The following NRG2 variants were observed in gnomAD, a reference collection of about 807,000 sequenced individuals.
NRG2 encodes the protein neuregulin 2.
Under a neutral mutation model 73.9 loss-of-function variants are expected in NRG2, and 27 were observed. The ratio of observed to expected loss-of-function variants is 0.37; its 90% CI spans 0.27 to 0.50. The LOEUF is 0.50. Ranked by LOEUF, NRG2 falls within the 20% of genes least tolerant of loss-of-function variation. The pLI, the probability that NRG2 is intolerant of heterozygous loss-of-function variation, is 0.96. For synonymous variants in NRG2, 532 were observed against 541.0 expected, an observed-to-expected ratio of 0.98 and a Z score of 0.23; for missense variants, 1,126 against 1,210.1, an observed-to-expected ratio of 0.93 and a Z score of 1.03.
chr5:139,968,650 C>G (rs541781818), intron 1 of NRG2, among the ~76,000 whole-genome samples: 1 of 152,192 alleles, frequency 6.6e-6, no homozygotes, highest in African/African-American at 2.4e-5. Context: ...GGGAGCTCTC[C>G]GTTCGGCGGC....
chr5:139,895,484 T>C (rs1215460858), intron 1 of NRG2, among the ~76,000 whole-genome samples: 1 of 152,144 alleles, frequency 6.6e-6, no homozygotes, highest in African/African-American at 2.4e-5. Context: ...TAGCAGTGCT[T>C]GTGGCACAGG....
intron 1 of NRG2, among the ~76,000 whole-genome samples, chr5:140,030,961 A>C (rs1761095296): frequency 6.6e-6 from 1 of 152,208 alleles, no homozygotes; most frequent in African/African-American, 2.4e-5. Context: ...AATGAGACCT[A>C]GAATTATGGA....
chr5:139,886,010 G>A (rs1487598661), intron 2 of NRG2, among the ~76,000 whole-genome samples: 2 of 152,094 alleles, frequency 1.3e-5, no homozygotes, highest in Non-Finnish European at 1.5e-5. Flanking sequence ...TCGGAAGGTG[G>A]GCTGGGTGGG....
At chr5:140,015,616 G>A (rs1364337476) in intron 1 of NRG2, among the ~76,000 whole-genome samples, 1 of 152,154 alleles carries the variant, frequency 6.6e-6, no homozygotes, top group Non-Finnish European at 1.5e-5. Context: ...TAAGTATCCT[G>A]TTTCCTGCAT....
At chr5:139,861,048 G>A (rs952083724) in intron 5 of NRG2, among the ~76,000 whole-genome samples, 3 of 152,176 alleles carry the variant, frequency 2.0e-5, no homozygotes, top group Non-Finnish European at 2.9e-5. Flanking sequence ...AGCCAGCATC[G>A]GTCTACAAGC....
intron 1 of NRG2, among the ~76,000 whole-genome samples, chr5:139,971,969 C>T (rs1756006170): frequency 6.6e-6 from 1 of 151,966 alleles, no homozygotes; most frequent in Admixed American, 6.6e-5. Flanking sequence ...ACGTGCACTG[C>T]CAGATACGAA....
intron 1 of NRG2, among the ~76,000 whole-genome samples, chr5:139,944,191 AG>A (rs1480745207): frequency 6.6e-6 from 1 of 152,204 alleles, no homozygotes; most frequent in African/African-American, 2.4e-5. Flanking sequence ...AACACATACA[AG>A]GTATGGTGAT....
At chr5:139,861,726 C>A (rs539633619) in intron 5 of NRG2, 7 of 516,702 alleles carry the variant, frequency 1.4e-5, no homozygotes, top group South Asian at 7.1e-5. Context: ...GCTGGTCAGG[C>A]GTGCTGAGTA....
At chr5:139,956,824 A>C (rs1754660560) in intron 1 of NRG2, among the ~76,000 whole-genome samples, 1 of 152,234 alleles carries the variant, frequency 6.6e-6, no homozygotes, top group Non-Finnish European at 1.5e-5. Flanking sequence ...GTCTGAGGCC[A>C]GGCCTCACCC....
intron 1 of NRG2, among the ~76,000 whole-genome samples, chr5:139,953,138 C>T (rs1754352547): frequency 6.6e-6 from 1 of 152,206 alleles, no homozygotes; most frequent in Admixed American, 6.5e-5. Context: ...GGAGTATGGA[C>T]TAGCACTTAA....
chr5:140,022,674 T>C (rs1433161833), intron 1 of NRG2, among the ~76,000 whole-genome samples: 1 of 152,196 alleles, frequency 6.6e-6, no homozygotes, highest in Admixed American at 6.5e-5. Context: ...AGTTTTCCCC[T>C]TTGTAATAAA....
intron 1 of NRG2, among the ~76,000 whole-genome samples, chr5:139,912,610 T>C (rs1750919125): frequency 6.6e-6 from 1 of 152,104 alleles, no homozygotes; most frequent in African/African-American, 2.4e-5. Context: ...ATTTAGAGCT[T>C]ATGAAAGTTC....
At position 139,916,115 on chromosome 5, in the gene NRG2, A is replaced by G. The variant is rs559992356; in HGVS notation, c.701-28604T>C. On this transcript the variant is annotated intron_variant, in intron 1 of 9. Coordinates refer to ENST00000361474, the MANE Select transcript of NRG2 (RefSeq NM_004883.3). ...GAGTCTGGAGGCAGCAAGATTGATC[A>G]GCAAAATGTTTAACAATGGGGTGTA... is the stretch of plus-strand genomic sequence containing the variant. 7.2e-5 allele frequency among the ~76,000 whole-genome samples: 11 copies of G among 152,330 alleles called. No individual in the cohort carries two copies. The South Asian group carries it at 1.0e-3, about 14-fold the overall frequency.
chr5:139,874,375 C>G (rs889161018), intron 3 of NRG2, among the ~76,000 whole-genome samples: 4 of 152,230 alleles, frequency 2.6e-5, no homozygotes, highest in Non-Finnish European at 5.9e-5. Context: ...CCCTACCCAC[C>G]TTCTTCCCCA....
intron 1 of NRG2, among the ~76,000 whole-genome samples, chr5:139,895,489 C>T (rs532278374): frequency 2.7e-4 from 41 of 152,300 alleles, no homozygotes; most frequent in African/African-American, 9.9e-4. Flanking sequence ...GTGCTTGTGG[C>T]ACAGGCTGTA....
At chr5:140,011,182 A>G (rs993236851) in intron 1 of NRG2, among the ~76,000 whole-genome samples, 3 of 152,256 alleles carry the variant, frequency 2.0e-5, no homozygotes, top group Non-Finnish European at 2.9e-5. Flanking sequence ...ATATCTTGCA[A>G]TAGCATCTTT....
chr5:140,007,561 C>A (rs1456296364), intron 1 of NRG2, among the ~76,000 whole-genome samples: 2 of 152,052 alleles, frequency 1.3e-5, no homozygotes, highest in Non-Finnish European at 1.5e-5. Context: ...GAGCCGGAGG[C>A]CTGTCTGTAC....
chr5:139,906,831 G>C (rs563927392), intron 1 of NRG2, among the ~76,000 whole-genome samples: 1 of 152,208 alleles, frequency 6.6e-6, no homozygotes, highest in Non-Finnish European at 1.5e-5. Context: ...CTTTCCCCAG[G>C]AAACACTTAA....
Position 139,848,582 on chromosome 5 carries a change from A to G in NRG2, c.1888T>C (p.Ser630Pro). Residue 630 changes from serine (S) to proline (P), a missense_variant, in exon 10 of 10, where the codon TCG (serine) becomes CCG (proline). Coordinates refer to ENST00000361474, the MANE Select transcript of NRG2 (RefSeq NM_004883.3). The stretch of plus-strand genomic sequence containing the variant: ...CTGATGGGCGCCGCCGGCGGCAGCG[A>G]CACGGCGTGCGCCGAGTTGGGGGAC... The part of the protein sequence containing the change: ...ITSPNSAHAV[S>P]LPPAAPISYR... 1 of 1,559,632 alleles carries G rather than the reference A, an allele frequency of 6.4e-7. No homozygotes were observed. Among genetic ancestry groups the G allele is most frequent in the Non-Finnish European group, 8.6e-7 (1 of 1,164,084 alleles).
Sources: gnomAD v4.1 joint callset for allele counts (sites outside exome capture counted in the v4.1 genomes callset) on GRCh38, gnomAD v4.1.1 for gene constraint, MANE v1.5 for transcripts, NCBI Gene and HGNC (gene_info 2026-07-23, HGNC 2026-07-21) for gene names.